Variants in IGLON5 observed in about 807,000 individuals in gnomAD.
IGLON5 encodes IgLON family member 5.
Under a neutral mutation model 38.2 loss-of-function variants are expected in IGLON5, and 16 were observed. That is an observed-to-expected ratio of 0.42 (90% CI 0.28 to 0.64). IGLON5 has a LOEUF of 0.64. Ranked by LOEUF, IGLON5 falls within the 30% of genes least tolerant of loss-of-function variation. IGLON5 has a pLI of 0.23. For missense variants in IGLON5, 366 were observed against 483.4 expected (o/e 0.76, Z 2.28); for synonymous variants, 207 against 216.4 (o/e 0.96, Z 0.38).
Position 51,327,017 on chromosome 19 carries a change from G to A in IGLON5, c.647-63G>A. The A allele has an allele frequency of 6.3e-7, 1 of 1,597,362 alleles. No individual in the cohort carries two copies. Among genetic ancestry groups the A allele is most frequent in the Non-Finnish European group, 8.5e-7 (1 of 1,173,830 alleles). On this transcript the variant is annotated intron_variant, in intron 5 of 7. Transcript: ENST00000270642. The surrounding 1 kb of genome is among the most constrained non-coding windows in gnomAD (Gnocchi z 7.1). ...TACGGGCCTGAGGGAGGCGGGGGCTGGGGGCGGGACCCCTTCGTCCCCACG... is the reference window on the plus strand; with the variant it reads ...TACGGGCCTGAGGGAGGCGGGGGCTAGGGGCGGGACCCCTTCGTCCCCACG...
intron 2 of IGLON5, among the ~76,000 whole-genome samples, chr19:51,322,425 T>TCCAGAGAGAAGGGGACAGAGAC (rs1985087015): frequency 1.6e-4 from 23 of 144,240 alleles, no homozygotes; most frequent in African/African-American, 5.8e-4. Flanking sequence ...GGGACAGAGA[T>TCCAGAGAGAAGGGGACAGAGAC]CCAGAGAGAA....
chr19:51,327,027 C>G lies in IGLON5; in HGVS notation c.647-53C>G. The G allele has an allele frequency of 6.3e-7, 1 of 1,598,472 alleles. No individual in the cohort carries two copies. The highest frequency in any genetic ancestry group is 8.5e-7 in the Non-Finnish European group (1 of 1,173,916). On this transcript the variant is annotated intron_variant, in intron 5 of 7. Transcript: ENST00000270642. This position sits in a 1 kb window ranked among gnomAD's most constrained non-coding sequence, Gnocchi z 7.1. ...AGGGAGGCGGGGGCTGGGGGCGGGA[C>G]CCCTTCGTCCCCACGCGGCTAGGAG...
rs957248192 is a variant in IGLON5, at chr19:51,311,821, C to G, written c.-27C>G. The G allele has an allele frequency of 3.1e-4, 238 of 774,188 alleles. 2 individuals are homozygous for G. The highest frequency in any genetic ancestry group is 3.6e-4 in the Non-Finnish European group (211 of 581,290). 48.0% of individuals were successfully genotyped at this position (774,188 alleles called of 1,614,324 possible). A position where few individuals can be genotyped will look rare whatever the true frequency, so the allele number is the denominator to read the frequency against. On this transcript the variant is annotated 5_prime_UTR_variant, in exon 1 of 8. Coordinates refer to ENST00000270642, the MANE Select transcript of IGLON5 (RefSeq NM_001101372.3). The stretch of plus-strand genomic sequence containing the variant: ...GCCCCGGACCGGCCCCCCCTTTCCC[C>G]TCCCCCTCCGCGCCGCCTCTGCCGC...
At chr19:51,321,702 T>G (rs934739136) in intron 1 of IGLON5, among the ~76,000 whole-genome samples, 19 of 152,198 alleles carry the variant, frequency 1.2e-4, no homozygotes, top group African/African-American at 4.3e-4. Context: ...ATGTGTGTGT[T>G]TGTGTGCTAC....
intron 1 of IGLON5, among the ~76,000 whole-genome samples, chr19:51,320,982 A>G (rs1985042230): frequency 6.6e-6 from 1 of 151,954 alleles, no homozygotes; most frequent in South Asian, 2.1e-4. Flanking sequence ...GTGTCTGTAT[A>G]CCGTACCTAT....
Position 51,327,846 on chromosome 19 carries a change from C to T in IGLON5, c.882C>T (p.Ala294=). ...ACGGCAACTATACGTGTCGCGCCGCCAACCGACTGGGAGCGTCCAGCGCCT... is the reference window on the plus strand; with the variant it reads ...ACGGCAACTATACGTGTCGCGCCGCTAACCGACTGGGAGCGTCCAGCGCCT... ...RHYGNYTCRA[A]NRLGASSASM... is the part of the protein sequence containing the mutation. The change falls in exon 7 of 8, where the codon GCC becomes GCT. Residue 294 remains alanine (A), a synonymous_variant. Transcript: ENST00000270642. The surrounding 1 kb of genome is among the most constrained non-coding windows in gnomAD (Gnocchi z 7.1). The T allele has an allele frequency of 6.5e-7, 1 of 1,543,430 alleles. No individual in the cohort carries two copies. Among genetic ancestry groups the T allele is most frequent in the East Asian group, 2.5e-5 (1 of 40,380 alleles).
chr19:51,319,048 A>G (rs1984990079), intron 1 of IGLON5, among the ~76,000 whole-genome samples: 1 of 152,192 alleles, frequency 6.6e-6, no homozygotes, highest in African/African-American at 2.4e-5. Flanking sequence ...CCGACCTCCT[A>G]TGTTGCATAG....
intron 7 of IGLON5, among the ~76,000 whole-genome samples, 161 bp from the exon 8 acceptor site, chr19:51,328,510 A>G (rs1371836199): frequency 2.6e-5 from 4 of 151,282 alleles, no homozygotes; most frequent in African/African-American, 9.7e-5. Context: ...AAAAAGAAAA[A>G]AAAAAAAAAA....
At chr19:51,322,967 C>T (rs1442561307) in intron 2 of IGLON5, among the ~76,000 whole-genome samples, 1 of 149,234 alleles carries the variant, frequency 6.7e-6, no homozygotes, top group African/African-American at 2.5e-5. Flanking sequence ...GTCTCTGTCC[C>T]CCTCTCTCTG....
rs1264212814 is a variant in IGLON5 at position 51,322,151 on chromosome 19, C to T, written c.158+9C>T. 1 of 1,606,040 alleles carries T rather than the reference C, an allele frequency of 6.2e-7. No individual in the cohort carries two copies. The highest frequency in any genetic ancestry group is 1.1e-5 in the South Asian group (1 of 90,960). On this transcript the variant is annotated intron_variant, in intron 2 of 7. Coordinates refer to ENST00000270642, the MANE Select transcript of IGLON5 (RefSeq NM_001101372.3). Reference sequence around the variant, plus strand: ...GACAACGCCACCCTCAGGTACCTCCCTCGGTGGGTGGGGACTCAGATCTCA... The same window carrying T: ...GACAACGCCACCCTCAGGTACCTCCTTCGGTGGGTGGGGACTCAGATCTCA...
In IGLON5 at chr19:51,325,529, C is replaced by G. The variant is rs1985195810; in HGVS notation, c.511+64C>G. On this transcript the variant is annotated intron_variant, in intron 4 of 7. Transcript: ENST00000270642. This position sits in a 1 kb window ranked among gnomAD's most constrained non-coding sequence, Gnocchi z 5.5. ...CTGCGCAGTCTGGGCCCCTCCATTC[C>G]CCATATCCCTAGCTAGTTTCCCCAG... The G allele has an allele frequency of 6.7e-7, 1 of 1,491,572 alleles. No homozygotes were observed. The highest frequency in any genetic ancestry group is 1.4e-5 in the African/African-American group (1 of 71,412). 92.4% of individuals were successfully genotyped at this position (1,491,572 alleles called of 1,614,324 possible). A position where few individuals can be genotyped will look rare whatever the true frequency, so the allele number is the denominator to read the frequency against.
chr19:51,323,650 T>A lies in IGLON5; in HGVS notation c.159-12T>A, dbSNP rs767571112. On this transcript the variant is annotated splice_polypyrimidine_tract_variant and intron_variant, in intron 2 of 7. Coordinates refer to ENST00000270642, the MANE Select transcript of IGLON5 (RefSeq NM_001101372.3). ...GGGTGGAGAAAAACCTTCCCACTCA[T>A]TCTCCCTGCAGCTGCTTCATCGACG... 1 of 1,598,766 alleles carries A rather than the reference T, an allele frequency of 6.3e-7. No individual in the cohort carries two copies. The highest frequency in any genetic ancestry group is 1.7e-5 in the Admixed American group (1 of 59,540).
Position 51,325,954 on chromosome 19 carries a change from A to G in IGLON5, c.511+489A>G, listed in dbSNP as rs1205259748. On this transcript the variant is annotated intron_variant, in intron 4 of 7. Transcript: ENST00000270642. This position sits in a 1 kb window ranked among gnomAD's most constrained non-coding sequence, Gnocchi z 5.5. ...CAGGAATGCACTTTCCCAGGCTCCA[A>G]CCAAGACCTGCTAAATCCAAAGCTC... Among the ~76,000 whole-genome samples the G allele has an allele frequency of 1.3e-5, 2 of 152,060 alleles. No individual in the cohort carries two copies. The highest frequency in any genetic ancestry group is 1.5e-5 in the Non-Finnish European group (1 of 68,002).
Position 51,327,959 on chromosome 19 carries a change from G to C in IGLON5, c.922+73G>C. Reference sequence around the variant, plus strand: ...GCGGGGCTAGGGAAGTGGAGACGCCGGGACCGCCCTTCAGGCTGGCCCTGA... The same window carrying C: ...GCGGGGCTAGGGAAGTGGAGACGCCCGGACCGCCCTTCAGGCTGGCCCTGA... On this transcript the variant is annotated intron_variant, in intron 7 of 7. Transcript: ENST00000270642. This position sits in a 1 kb window ranked among gnomAD's most constrained non-coding sequence, Gnocchi z 7.1. 7.1e-7 allele frequency: 1 copy of C among 1,405,520 alleles called. No homozygotes were observed. The highest frequency in any genetic ancestry group is 9.3e-7 in the Non-Finnish European group (1 of 1,073,110). 87.1% of individuals were successfully genotyped at this position (1,405,520 alleles called of 1,614,324 possible).
chr19:51,313,695 C>CCTTCTTTCT (rs1984840111), intron 1 of IGLON5, among the ~76,000 whole-genome samples: 2 of 51,300 alleles, frequency 3.9e-5, no homozygotes, highest in African/African-American at 1.0e-4. Context: ...TTCTTTCTTT[C>CCTTCTTTCT]TTCTTTCTTC....
chr19:51,327,037 C>T lies in IGLON5; in HGVS notation c.647-43C>T, dbSNP rs1358440515. 3.1e-6 allele frequency: 5 copies of T among 1,599,160 alleles called. No individual in the cohort carries two copies. Among genetic ancestry groups the T allele is most frequent in the South Asian group, 2.2e-5 (2 of 90,390 alleles). ...GGGCTGGGGGCGGGACCCCTTCGTC[C>T]CCACGCGGCTAGGAGAATTCGCTGA... is the stretch of plus-strand genomic sequence containing the variant. On this transcript the variant is annotated intron_variant, in intron 5 of 7. Transcript: ENST00000270642. The surrounding 1 kb of genome is among the most constrained non-coding windows in gnomAD (Gnocchi z 7.1).
rs1270463674 is a variant in IGLON5, at chr19:51,325,137, AG to A, written c.392-205del. Among the ~76,000 whole-genome samples, 3 of 151,562 alleles carry A rather than the reference AG, an allele frequency of 2.0e-5. No individual in the cohort carries two copies. Among genetic ancestry groups the A allele is most frequent in the African/African-American group, 7.3e-5 (3 of 41,236 alleles). ...CAGAGACTCCTGGGTCTGAGGGAGA[AG>A]GGGCTGGGGTACTGGACTCTTGGGT... is the stretch of plus-strand genomic sequence containing the variant. On this transcript the variant is annotated intron_variant, in intron 3 of 7. Transcript: ENST00000270642. The surrounding 1 kb of genome is among the most constrained non-coding windows in gnomAD (Gnocchi z 5.5).
intron 1 of IGLON5, among the ~76,000 whole-genome samples, chr19:51,315,828 T>C (rs1333469408): frequency 6.6e-6 from 1 of 150,982 alleles, no homozygotes; most frequent in East Asian, 2.0e-4. Flanking sequence ...CCCAAGTAGC[T>C]GGGACTACAG....
chr19:51,314,626 C>T (rs1021953443), intron 1 of IGLON5, among the ~76,000 whole-genome samples: 3 of 152,010 alleles, frequency 2.0e-5, no homozygotes, highest in Admixed American at 6.5e-5. Context: ...GAACTGGGGA[C>T]GAGAGGGGAT....
Sources: gnomAD v4.1 joint callset for allele counts (sites outside exome capture counted in the v4.1 genomes callset) on GRCh38, gnomAD v4.1.1 for gene constraint, Gnocchi (gnomAD v3.1) non-coding constraint, MANE v1.5 for transcripts, NCBI Gene and HGNC (gene_info 2026-07-23, HGNC 2026-07-21) for gene names.